The following PCDH7 variants were observed in gnomAD, a reference collection of about 807,000 sequenced individuals.
The protein encoded by PCDH7 is protocadherin-7.
PCDH7 carries 17 observed loss-of-function variants against 58.9 expected under a neutral mutation model. That is an observed-to-expected ratio of 0.29 (90% confidence interval 0.20 to 0.43). PCDH7 has a LOEUF of 0.43. Ranked by LOEUF, PCDH7 falls within the 20% of genes least tolerant of loss-of-function variation. PCDH7 has a pLI of 1.00. For synonymous variants in PCDH7, 664 were observed against 616.4 expected, an observed-to-expected ratio of 1.08 and a Z score of -1.14; for missense variants, 1,274 against 1,441.0, an observed-to-expected ratio of 0.88 and a Z score of 1.88.
chr4:30,965,975 G>A lies in PCDH7; in HGVS notation c.*7+15760G>A, dbSNP rs13133040. Among the ~76,000 whole-genome samples, 1,214 of 152,124 alleles carry A rather than the reference G, an allele frequency of 8.0e-3. 13 individuals are homozygous for A. The highest frequency in any genetic ancestry group is 0.014 in the Non-Finnish European group (923 of 67,962). ...AGAGTGAAAATGCATTTTTCTTTTG[G>A]AATTTTCAGGATAATTAATCTTCAG... is the stretch of plus-strand genomic sequence containing the variant. On this transcript the variant is annotated intron_variant, in intron 3 of 3. Transcript: ENST00000509759.
At chr4:30,753,263 C>G (rs1718815222) in intron 1 of PCDH7, among the ~76,000 whole-genome samples, 1 of 152,140 alleles carries the variant, frequency 6.6e-6, no homozygotes, top group Admixed American at 6.5e-5. Flanking sequence ...TCAAGTATCT[C>G]TAACTGTAAA....
chr4:31,115,891 A>G (rs908883578), intron 3 of PCDH7, among the ~76,000 whole-genome samples: 5 of 152,168 alleles, frequency 3.3e-5, no homozygotes, highest in Non-Finnish European at 7.4e-5. Flanking sequence ...AGATAAGAAA[A>G]ACCTCCATTG....
chr4:31,083,605 A>G (rs1395933446), intron 3 of PCDH7, among the ~76,000 whole-genome samples: 1 of 152,208 alleles, frequency 6.6e-6, no homozygotes, highest in African/African-American at 2.4e-5. Context: ...CTTAATCTTG[A>G]CATTCAAAGG....
chr4:30,894,510 T>TAC (rs1739094531), intron 1 of PCDH7, among the ~76,000 whole-genome samples: 2 of 49,466 alleles, frequency 4.0e-5, no homozygotes, highest in African/African-American at 2.7e-4. Context: ...TATATATATA[T>TAC]ATATATACAC....
chr4:31,024,440 A>G (rs1300848440), intron 3 of PCDH7, among the ~76,000 whole-genome samples: 1 of 152,158 alleles, frequency 6.6e-6, no homozygotes, highest in African/African-American at 2.4e-5. Flanking sequence ...AGCTATTATA[A>G]TTATTCTTGT....
chr4:31,097,625 T>TAG (rs1161264307), intron 3 of PCDH7, among the ~76,000 whole-genome samples: 1 of 41,350 alleles, frequency 2.4e-5, no homozygotes, highest in East Asian at 3.3e-3. Context: ...TATATATATA[T>TAG]ATATATATAT....
At chr4:30,811,906 G>GT (rs985779393) in intron 1 of PCDH7, among the ~76,000 whole-genome samples, 2 of 152,034 alleles carry the variant, frequency 1.3e-5, no homozygotes, top group Non-Finnish European at 2.9e-5. Flanking sequence ...GAATAGGAGG[G>GT]TTTTTTAGCC....
chr4:30,906,942 G>A (rs1401024769), intron 1 of PCDH7, among the ~76,000 whole-genome samples: 1 of 152,068 alleles, frequency 6.6e-6, no homozygotes, highest in Non-Finnish European at 1.5e-5. Flanking sequence ...AGAATCGTTT[G>A]AACCTAGGAG....
At chr4:31,139,487 T>C (rs1719998447) in intron 3 of PCDH7, among the ~76,000 whole-genome samples, 2 of 152,056 alleles carry the variant, frequency 1.3e-5, no homozygotes, top group African/African-American at 2.4e-5. Flanking sequence ...TCCTCTATAA[T>C]GCCACAAAAA....
chr4:31,031,009 T>C (rs770878176), intron 3 of PCDH7, among the ~76,000 whole-genome samples: 2 of 152,148 alleles, frequency 1.3e-5, no homozygotes, highest in Non-Finnish European at 2.9e-5. Context: ...GTTTCCTTTC[T>C]AGTGATGTAG....
intron 1 of PCDH7, among the ~76,000 whole-genome samples, chr4:30,909,669 A>G (rs1741467675): frequency 6.6e-6 from 1 of 152,204 alleles, no homozygotes; most frequent in South Asian, 2.1e-4. Flanking sequence ...GCTCAAGGAA[A>G]TAAGAGAGGA....
chr4:30,722,003 A>C lies in PCDH7; in HGVS notation c.581A>C (p.Glu194Ala), dbSNP rs190478911. 1 of 1,275,538 alleles carries C rather than the reference A, an allele frequency of 7.8e-7. No individual in the cohort carries two copies. Among genetic ancestry groups the C allele is most frequent in the Non-Finnish European group, 9.9e-7 (1 of 1,014,004 alleles). The allele number at this position is 1,275,538 out of a possible 1,614,324, so 79.0% of individuals were successfully genotyped here. ...CCCGGAGGCGGCGGCAGCGGCGGCG[A>C]GAGCCGGCGCGCCGGGGCGGCCGAC... The change falls in exon 1 of 2, where the codon GAG becomes GCG. Residue 194 changes from glutamate (E) to alanine (A), a missense_variant. Glu to Ala is a moderately radical substitution (Grantham distance 107). Transcript: ENST00000361762. The surrounding 1 kb of genome is among the most constrained non-coding windows in gnomAD (Gnocchi z 7.6).
intron 2 of PCDH7, among the ~76,000 whole-genome samples, chr4:30,925,097 C>G (rs907989874): frequency 3.3e-5 from 5 of 152,134 alleles, no homozygotes; most frequent in Non-Finnish European, 5.9e-5. Flanking sequence ...ATAAGCTAAG[C>G]TCAACTGTTT....
rs960873295 is a variant in PCDH7, at chr4:31,051,833, TGG to T, written c.*8-90635_*8-90634del. Among the ~76,000 whole-genome samples the T allele has an allele frequency of 8.3e-4, 111 of 133,866 alleles. 1 individual carries two copies. The highest frequency in any genetic ancestry group is 3.5e-3 in the African/African-American group (110 of 31,474). The allele number at this position is 133,866 out of a possible 152,430, so 87.8% of individuals were successfully genotyped here. On this transcript the variant is annotated intron_variant, in intron 3 of 3. Coordinates refer to the PCDH7 transcript ENST00000509759. The stretch of plus-strand genomic sequence containing the variant: ...AAACCAAAGCATTGTTGGGTGTGTG[TGG>T]GGGGCGGGTAGGGGAATTGTTCATG...
At chr4:31,041,710 G>A (rs1231303166) in intron 3 of PCDH7, among the ~76,000 whole-genome samples, 3 of 152,006 alleles carry the variant, frequency 2.0e-5, no homozygotes, top group Non-Finnish European at 4.4e-5. Flanking sequence ...CAAACAGGCT[G>A]TTGCAATTTG....
At chr4:30,967,228 T>A (rs1749075769) in intron 3 of PCDH7, among the ~76,000 whole-genome samples, 1 of 152,044 alleles carries the variant, frequency 6.6e-6, no homozygotes, top group Admixed American at 6.5e-5. Flanking sequence ...AAATCAGTCA[T>A]AAACACAATT....
intron 2 of PCDH7, among the ~76,000 whole-genome samples, chr4:30,934,901 A>G (rs1221164118): frequency 1.3e-5 from 2 of 152,114 alleles, no homozygotes; most frequent in African/African-American, 4.8e-5. Context: ...ACCTGGGTCA[A>G]TTCATGTATT....
intron 3 of PCDH7, among the ~76,000 whole-genome samples, chr4:31,008,835 G>T (rs180720103): frequency 1.5e-3 from 235 of 152,134 alleles, no homozygotes; most frequent in African/African-American, 5.4e-3. Flanking sequence ...TTCCCCTTAA[G>T]CTAACATAGT....
chr4:31,031,572 A>C (rs932291651), intron 3 of PCDH7, among the ~76,000 whole-genome samples: 2 of 152,240 alleles, frequency 1.3e-5, no homozygotes, highest in Non-Finnish European at 2.9e-5. Flanking sequence ...GTCAGATTAA[A>C]GAATTGTATT....
Sources: gnomAD v4.1 joint callset for allele counts (sites outside exome capture counted in the v4.1 genomes callset) on GRCh38, gnomAD v4.1.1 for gene constraint, Gnocchi (gnomAD v3.1) non-coding constraint, MANE v1.5 for transcripts, NCBI Gene and HGNC (gene_info 2026-07-23, HGNC 2026-07-21) for gene names.